The following PDE4D variants were observed in gnomAD, a reference collection of about 807,000 sequenced individuals.
PDE4D encodes the protein 3',5'-cyclic-AMP phosphodiesterase 4D.
A neutral mutation model predicts 87.4 loss-of-function variants in PDE4D; 24 were observed. The observed-to-expected ratio is 0.27, with a 90% CI of 0.20 to 0.39. The LOEUF (loss-of-function observed/expected upper bound fraction) is 0.39. Among genes scored for constraint, PDE4D ranks in the 10% least tolerant of loss-of-function variants. The probability of loss-of-function intolerance (pLI) is 1.00; values close to 1 mark genes in which losing one functional copy is unlikely to be tolerated. For synonymous variants in PDE4D, 384 were observed against 383.2 expected (o/e 1.00, Z -0.02); for missense variants, 714 against 1,041.0 (o/e 0.69, Z 4.32).
intron 2 of PDE4D, among the ~76,000 whole-genome samples, chr5:60,040,343 T>C (rs1317458162): frequency 6.6e-6 from 1 of 152,206 alleles, no homozygotes; most frequent in Non-Finnish European, 1.5e-5. Context: ...TGGGATGCTG[T>C]GATTATCTGC....
Position 60,232,729 on chromosome 5 carries a change from C to G in PDE4D, c.-89-47042G>C, listed in dbSNP as rs189454476. ...TAACTGTTCACAAAACATAAAGAAG[C>G]CTTACATCCAGGCTATGGAATACAA... is the stretch of plus-strand genomic sequence containing the variant. On this transcript the variant is annotated intron_variant, in intron 1 of 16. Coordinates refer to the PDE4D transcript ENST00000502484. Among the ~76,000 whole-genome samples the G allele has an allele frequency of 2.9e-3, 439 of 151,880 alleles. 1 individual carries two copies. Among genetic ancestry groups the G allele is most frequent in the Middle Eastern group, 0.024 (7 of 294 alleles).
intron 1 of PDE4D, among the ~76,000 whole-genome samples, chr5:59,681,728 G>A (rs190262545): frequency 1.3e-4 from 19 of 151,854 alleles, no homozygotes; most frequent in African/African-American, 3.6e-4. Flanking sequence ...GTGAAACCCC[G>A]TCTCTACTAA....
At chr5:59,674,858 C>G (rs1747802205) in intron 1 of PDE4D, among the ~76,000 whole-genome samples, 1 of 152,160 alleles carries the variant, frequency 6.6e-6, no homozygotes, top group Non-Finnish European at 1.5e-5. Context: ...AGGCACTTGG[C>G]CACAATGCAT....
At chr5:59,612,224 T>C (rs1829095051) in intron 1 of PDE4D, among the ~76,000 whole-genome samples, 1 of 58,254 alleles carries the variant, frequency 1.7e-5, no homozygotes, top group Admixed American at 2.4e-4. Context: ...GATTCCTTGA[T>C]TGACACTGTT....
At chr5:60,126,508 T>C (rs1779136651) in intron 2 of PDE4D, among the ~76,000 whole-genome samples, 1 of 152,174 alleles carries the variant, frequency 6.6e-6, no homozygotes. Flanking sequence ...GGGAATAAAT[T>C]AACTTGATAT....
At chr5:60,324,262 G>A (rs963887952) in intron 1 of PDE4D, among the ~76,000 whole-genome samples, 5 of 152,150 alleles carry the variant, frequency 3.3e-5, no homozygotes, top group African/African-American at 9.7e-5. Flanking sequence ...GAATATTTTC[G>A]AGACTGTAAG....
chr5:59,999,426 C>A (rs1210064149), intron 2 of PDE4D, among the ~76,000 whole-genome samples: 2 of 150,574 alleles, frequency 1.3e-5, no homozygotes, highest in African/African-American at 4.9e-5. Flanking sequence ...CAGACAGACA[C>A]CAGACGGAGA....
chr5:59,216,300 T>C (rs1581428071), intron 1 of PDE4D, among the ~76,000 whole-genome samples: 2 of 152,268 alleles, frequency 1.3e-5, no homozygotes, highest in East Asian at 3.9e-4. Flanking sequence ...ACACAGTAAT[T>C]CATCAAATAT....
At position 59,978,615 on chromosome 5, in the gene PDE4D, T is replaced by C. The variant is rs546570164; in HGVS notation, c.272+9873A>G. Among the ~76,000 whole-genome samples, 18 of 152,326 alleles carry C rather than the reference T, an allele frequency of 1.2e-4. No individual in the cohort carries two copies. The South Asian group carries it at 2.1e-3, about 18-fold the overall frequency. ...TGGCAACAAAGGATTTAAAATATTATATAAACTTAGTAGATAAACCAGCAG... is the reference window on the plus strand; with the variant it reads ...TGGCAACAAAGGATTTAAAATATTACATAAACTTAGTAGATAAACCAGCAG... On this transcript the variant is annotated intron_variant, in intron 3 of 16. Transcript: ENST00000502484.
In PDE4D at chr5:59,657,602, T is replaced by C. The variant is rs558833087; in HGVS notation, c.455+235566A>G. Reference sequence around the variant, plus strand: ...TATATACTATCTAAACATTTATATATAGTATATACATAGAACATGTATACA... The same window carrying C: ...TATATACTATCTAAACATTTATATACAGTATATACATAGAACATGTATACA... On this transcript the variant is annotated intron_variant, in intron 1 of 14. Transcript: ENST00000340635. Among the ~76,000 whole-genome samples the C allele has an allele frequency of 3.9e-5, 6 of 152,292 alleles. No individual in the cohort carries two copies. The South Asian group carries it at 1.2e-3, about 32-fold the overall frequency.
At chr5:59,088,254 CTCTT>C (rs1250839337) in intron 5 of PDE4D, among the ~76,000 whole-genome samples, 1 of 152,146 alleles carries the variant, frequency 6.6e-6, no homozygotes, top group African/African-American at 2.4e-5. Context: ...ATCCTTCTCT[CTCTT>C]TCTCTTTCTC....
At chr5:60,019,037 C>T (rs897664535) in intron 2 of PDE4D, among the ~76,000 whole-genome samples, 11 of 152,130 alleles carry the variant, frequency 7.2e-5, no homozygotes, top group African/African-American at 2.7e-4. Flanking sequence ...ATACATTCTT[C>T]TTGGTGCCAC....
chr5:60,092,423 C>T (rs1775234594), intron 2 of PDE4D, among the ~76,000 whole-genome samples: 1 of 152,112 alleles, frequency 6.6e-6, no homozygotes, highest in South Asian at 2.1e-4. Flanking sequence ...TGCAAAATAG[C>T]TAGAAGAAGA....
At chr5:59,164,397 T>C (rs1012320234) in intron 5 of PDE4D, among the ~76,000 whole-genome samples, 12 of 152,344 alleles carry the variant, frequency 7.9e-5, no homozygotes, top group South Asian at 4.1e-4. Context: ...ATTCAAGAAC[T>C]AGTATTTCTT....
chr5:59,170,925 A>G (rs1021592281), intron 5 of PDE4D, among the ~76,000 whole-genome samples: 2 of 144,478 alleles, frequency 1.4e-5, no homozygotes, highest in Non-Finnish European at 3.0e-5. Context: ...CTTGTTGCCC[A>G]GGCTAGAGTG....
chr5:59,129,408 G>A (rs1775955861), intron 5 of PDE4D, among the ~76,000 whole-genome samples: 1 of 152,034 alleles, frequency 6.6e-6, no homozygotes, highest in South Asian at 2.1e-4. Flanking sequence ...CAGCAAAGAC[G>A]TGTTTTTAAA....
intron 5 of PDE4D, among the ~76,000 whole-genome samples, chr5:59,169,156 AGTAAAATTTG>A (rs1024722123): frequency 1.3e-5 from 2 of 152,150 alleles, no homozygotes; most frequent in Non-Finnish European, 2.9e-5. Flanking sequence ...ACATCCAACT[AGTAAAATTTG>A]GGAAATGAGC....
rs78791833 is a variant in PDE4D at position 59,486,240 on chromosome 5, C to A, written c.456-270272G>T. 5.3e-3 allele frequency among the ~76,000 whole-genome samples: 810 copies of A among 152,172 alleles called. 7 individuals carry two copies. Among genetic ancestry groups the A allele is most frequent in the African/African-American group, 0.019 (793 of 41,520 alleles). On this transcript the variant is annotated intron_variant, in intron 1 of 14. Transcript: ENST00000340635. Reference sequence around the variant, plus strand: ...TCTGAAAAGAATGTCATCTAGGAAACCACATTATTTGATTCCTTGGCTCCA... The same window carrying A: ...TCTGAAAAGAATGTCATCTAGGAAAACACATTATTTGATTCCTTGGCTCCA...
chr5:59,879,674 T>C (rs1208680762), intron 1 of PDE4D, among the ~76,000 whole-genome samples: 1 of 152,216 alleles, frequency 6.6e-6, no homozygotes, highest in Non-Finnish European at 1.5e-5. Flanking sequence ...ACAAACGGCA[T>C]CCAAAGCAAT....
Sources: allele counts gnomAD v4.1 joint callset (sites outside exome capture counted in the v4.1 genomes callset), GRCh38; gene constraint gnomAD v4.1.1; transcripts MANE v1.5; gene names NCBI Gene and HGNC (gene_info 2026-07-23, HGNC 2026-07-21).